Variants in HIVEP3 observed in about 807,000 individuals in gnomAD.
The protein encoded by HIVEP3 is HIVEP zinc finger 3.
Under a neutral mutation model 152.8 loss-of-function variants are expected in HIVEP3, and 49 were observed. The observed-to-expected ratio is 0.32, with a 90% confidence interval of 0.26 to 0.41. HIVEP3 has a LOEUF of 0.41. Ranked by LOEUF, HIVEP3 falls within the 10% of genes least tolerant of loss-of-function variation. The probability of loss-of-function intolerance (pLI) is 1.00; values close to 1 mark genes in which losing one functional copy is unlikely to be tolerated. For missense variants in HIVEP3, 2,790 were observed against 3,103.3 expected, an observed-to-expected ratio of 0.90 and a Z score of 2.40; for synonymous variants, 1,269 against 1,289.0, an observed-to-expected ratio of 0.98 and a Z score of 0.33.
chr1:41,536,356 A>G (rs1194016961), intron 5 of HIVEP3, among the ~76,000 whole-genome samples: 1 of 152,162 alleles, frequency 6.6e-6, no homozygotes, highest in Non-Finnish European at 1.5e-5. Flanking sequence ...ACACCGACAG[A>G]GCGGCTTTGG....
At chr1:41,645,909 T>C (rs1286108182) in intron 2 of HIVEP3, among the ~76,000 whole-genome samples, 3 of 152,122 alleles carry the variant, frequency 2.0e-5, no homozygotes, top group Non-Finnish European at 4.4e-5. Flanking sequence ...TATAAAATAG[T>C]GTGGGGTTTA....
intron 5 of HIVEP3, among the ~76,000 whole-genome samples, chr1:41,569,937 T>C (rs1644227177): frequency 6.6e-6 from 1 of 152,226 alleles, no homozygotes; most frequent in Admixed American, 6.5e-5. Flanking sequence ...CTTTAAGGAA[T>C]GTCAAAGAGG....
At chr1:41,882,225 G>A (rs556319659) in intron 1 of HIVEP3, among the ~76,000 whole-genome samples, 14 of 152,256 alleles carry the variant, frequency 9.2e-5, no homozygotes, top group South Asian at 8.3e-4. Flanking sequence ...CCAAATAAAC[G>A]TTCCACTGGG....
rs963265045 is a variant in HIVEP3 at position 41,653,217 on chromosome 1, T to C, written c.-720-24270A>G. Among the ~76,000 whole-genome samples the C allele has an allele frequency of 7.0e-4, 105 of 150,730 alleles. 1 individual carries two copies. The highest frequency in any genetic ancestry group is 1.4e-3 in the Non-Finnish European group (92 of 67,324). ...CTGTATGTGTCTAAATGTGTGTGCGTGTGTGTGTGTGTGTATGTACATAAC... is the reference window on the plus strand; with the variant it reads ...CTGTATGTGTCTAAATGTGTGTGCGCGTGTGTGTGTGTGTATGTACATAAC... On this transcript the variant is annotated intron_variant, in intron 2 of 8. Transcript: ENST00000372583.
In HIVEP3 at chr1:41,628,770, C is replaced by T. The variant is rs957470146; in HGVS notation, c.-543G>A. 12 of 1,232,068 alleles carry T rather than the reference C, an allele frequency of 9.7e-6. No homozygotes were observed. The African/African-American group carries it at 1.1e-4, about 11-fold the overall frequency. The allele number at this position is 1,232,068 out of a possible 1,614,324, so 76.3% of individuals were successfully genotyped here. On this transcript the variant is annotated 5_prime_UTR_variant, in exon 3 of 9. Transcript: ENST00000372583. ...CTACCTGTGCTGAAGGCACCACTTC[C>T]GATGACCAAAACTGAAACGCTGTTC...
At chr1:41,665,646 A>G (rs1377413905) in intron 2 of HIVEP3, among the ~76,000 whole-genome samples, 1 of 148,774 alleles carries the variant, frequency 6.7e-6, no homozygotes, top group Non-Finnish European at 1.5e-5. Flanking sequence ...ACAATTCAAG[A>G]AAACTGTGAT....
intron 1 of HIVEP3, among the ~76,000 whole-genome samples, chr1:41,836,630 G>A (rs1227742009): frequency 2.0e-5 from 3 of 152,146 alleles, no homozygotes. Context: ...AAACTTACTG[G>A]GTCTCAGCTC....
intron 5 of HIVEP3, among the ~76,000 whole-genome samples, chr1:41,526,237 T>C: frequency 6.6e-6 from 1 of 150,850 alleles, no homozygotes; most frequent in Middle Eastern, 3.2e-3. Context: ...ACCCCCACCC[T>C]CACACTCGCC....
chr1:42,027,480 G>T (rs1316568914), intron 1 of HIVEP3, among the ~76,000 whole-genome samples: 1 of 152,068 alleles, frequency 6.6e-6, no homozygotes, highest in Non-Finnish European at 1.5e-5. Flanking sequence ...AAAATCCAAA[G>T]TCTTTAATAT....
At chr1:41,655,908 G>C (rs926459946) in intron 2 of HIVEP3, among the ~76,000 whole-genome samples, 3 of 152,096 alleles carry the variant, frequency 2.0e-5, no homozygotes, top group Non-Finnish European at 2.9e-5. Context: ...GTAATCTCTT[G>C]CTTCCACCCT....
At chr1:41,994,559 A>G in intron 1 of HIVEP3, among the ~76,000 whole-genome samples, 1 of 151,480 alleles carries the variant, frequency 6.6e-6, no homozygotes, top group Admixed American at 6.6e-5. Flanking sequence ...TTCCCCCATC[A>G]CTCTCTCTAT....
rs1645758010 is a variant in HIVEP3, at chr1:41,664,034, A to G, written c.-720-35087T>C. Reference sequence around the variant, plus strand: ...TGCCCAGCCACCACCCCCAACACGCACCACTTTGCACCAGTTTCCACTTCT... The same window carrying G: ...TGCCCAGCCACCACCCCCAACACGCGCCACTTTGCACCAGTTTCCACTTCT... On this transcript the variant is annotated intron_variant, in intron 2 of 8. Coordinates refer to ENST00000372583, the MANE Select transcript of HIVEP3 (RefSeq NM_024503.5). This position sits in a 1 kb window ranked among gnomAD's most constrained non-coding sequence, Gnocchi z 4.4. Among the ~76,000 whole-genome samples, 1 of 152,072 alleles carries G rather than the reference A, an allele frequency of 6.6e-6. No homozygotes were observed. Among genetic ancestry groups the G allele is most frequent in the African/African-American group, 2.4e-5 (1 of 41,388 alleles).
intron 5 of HIVEP3, among the ~76,000 whole-genome samples, chr1:41,532,475 G>T (rs1179495442): frequency 6.6e-6 from 1 of 152,150 alleles, no homozygotes; most frequent in African/African-American, 2.4e-5. Context: ...TGCTAAGTTT[G>T]GGATTGATAA....
At chr1:41,885,527 A>C (rs11576793) in intron 1 of HIVEP3, among the ~76,000 whole-genome samples, 2,879 of 152,264 alleles carry the variant, frequency 0.019, 42 homozygotes, top group Non-Finnish European at 0.025. Context: ...TTAACTGGGC[A>C]TGGTGGTGCA....
intron 1 of HIVEP3, among the ~76,000 whole-genome samples, chr1:41,911,333 CA>C (rs1438524713): frequency 6.6e-6 from 1 of 152,078 alleles, no homozygotes; most frequent in Non-Finnish European, 1.5e-5. Flanking sequence ...ACAAGATGGG[CA>C]AAAGTTTTTG....
At chr1:41,529,506 T>C (rs1569770266) in intron 5 of HIVEP3, among the ~76,000 whole-genome samples, 1 of 77,976 alleles carries the variant, frequency 1.3e-5, no homozygotes, top group African/African-American at 5.4e-5. Context: ...CACCCCATCC[T>C]CACACTTATG....
At chr1:41,616,019 A>C (rs1468060384) in intron 3 of HIVEP3, among the ~76,000 whole-genome samples, 1 of 152,012 alleles carries the variant, frequency 6.6e-6, no homozygotes, top group Non-Finnish European at 1.5e-5. Context: ...CAAGTGGTTT[A>C]ACCAAAGGGG....
chr1:41,692,185 G>A (rs1646208272), intron 2 of HIVEP3, among the ~76,000 whole-genome samples: 2 of 152,240 alleles, frequency 1.3e-5, no homozygotes, highest in African/African-American at 2.4e-5. Flanking sequence ...GTTCCCAGAT[G>A]AGGCTGAATG....
chr1:41,791,597 A>G (rs947006632), intron 1 of HIVEP3, among the ~76,000 whole-genome samples: 15 of 111,014 alleles, frequency 1.4e-4, no homozygotes, highest in African/African-American at 6.5e-4. Context: ...GGCCAAAGAG[A>G]GAAGTTGCCT....
Sources: allele counts gnomAD v4.1 joint callset (sites outside exome capture counted in the v4.1 genomes callset), GRCh38; gene constraint gnomAD v4.1.1; non-coding constraint Gnocchi (gnomAD v3.1); transcripts MANE v1.5; gene names NCBI Gene and HGNC (gene_info 2026-07-23, HGNC 2026-07-21).